Variants in LNX1 observed in about 807,000 individuals in gnomAD.
The protein encoded by LNX1 is E3 ubiquitin-protein ligase LNX.
A neutral mutation model predicts 68.4 loss-of-function variants in LNX1; 54 were observed. That is an observed-to-expected ratio of 0.79 (90% confidence interval 0.63 to 0.99). The LOEUF (loss-of-function observed/expected upper bound fraction) is 0.99. LNX1 is among the 50% of genes least tolerant of loss of function. The probability of loss-of-function intolerance (pLI) is 0.00; values close to 1 mark genes in which losing one functional copy is unlikely to be tolerated. For missense variants in LNX1, 906 were observed against 926.4 expected (o/e 0.98, Z 0.29); for synonymous variants, 336 against 350.0 (o/e 0.96, Z 0.45).
rs2150549541 is a variant in LNX1, at chr4:53,461,613, G to T, written c.1893-20C>A. ...AAGCACCTGAAATAGAATGTAATCA[G>T]TGTACATGCATATTTAAGTTTCACA... is the stretch of plus-strand genomic sequence containing the variant. On this transcript the variant is annotated intron_variant, in intron 9 of 10. Transcript: ENST00000263925. The T allele has an allele frequency of 6.3e-7, 1 of 1,576,166 alleles. No homozygotes were observed. Among genetic ancestry groups the T allele is most frequent in the Non-Finnish European group, 8.7e-7 (1 of 1,153,568 alleles).
intron 2 of LNX1, among the ~76,000 whole-genome samples, chr4:53,604,788 G>A (rs1359954534): frequency 6.6e-6 from 1 of 152,224 alleles, no homozygotes; most frequent in African/African-American, 2.4e-5. Context: ...TGTTTGGATT[G>A]GAGCTGAGCC....
At chr4:53,541,234 A>G (rs1345481331) in intron 2 of LNX1, among the ~76,000 whole-genome samples, 9 of 152,156 alleles carry the variant, frequency 5.9e-5, no homozygotes, top group Non-Finnish European at 7.3e-5. Flanking sequence ...GAGTGGGTGG[A>G]GGTAACAACC....
chr4:53,535,920 C>T lies in LNX1; in HGVS notation c.381-27693G>A, dbSNP rs58208481. Among the ~76,000 whole-genome samples the T allele has an allele frequency of 8.0e-3, 1,211 of 152,244 alleles. 20 individuals are homozygous for T. Among genetic ancestry groups the T allele is most frequent in the African/African-American group, 0.028 (1,148 of 41,542 alleles). On this transcript the variant is annotated intron_variant, in intron 2 of 10. Coordinates refer to ENST00000263925, the MANE Select transcript of LNX1 (RefSeq NM_001126328.3). ...AAAAGCACCATCACACCCATTTTAC[C>T]GATGGGGAAGCTCAAATACCAAAGG...
intron 2 of LNX1, among the ~76,000 whole-genome samples, chr4:53,614,998 T>A (rs1733633664): frequency 6.6e-6 from 1 of 151,616 alleles, no homozygotes; most frequent in Non-Finnish European, 1.5e-5. Context: ...ACACCGAGAA[T>A]GAGAATAAAA....
At position 53,498,810 on chromosome 4, in the gene LNX1, C is replaced by A; in HGVS notation, c.809G>T (p.Gly270Val). The A allele has an allele frequency of 6.2e-7, 1 of 1,613,950 alleles. No homozygotes were observed. The highest frequency in any genetic ancestry group is 8.5e-7 in the Non-Finnish European group (1 of 1,179,932). ...ATTGATCTTGATGCTGGTAATTTCACCATCTGGAATCAGGTGGTACAACCT... is the reference window on the plus strand; with the variant it reads ...ATTGATCTTGATGCTGGTAATTTCAACATCTGGAATCAGGTGGTACAACCT... ...FPRLYHLIPDGEITSIKINRV... is the reference protein window; with the variant it reads ...FPRLYHLIPDVEITSIKINRV... Residue 270 changes from glycine (G) to valine (V), a missense_variant, in exon 5 of 11, where the codon GGT becomes GTT. Coordinates refer to ENST00000263925, the MANE Select transcript of LNX1 (RefSeq NM_001126328.3).
chr4:53,495,786 C>T (rs1213956114), intron 6 of LNX1, among the ~76,000 whole-genome samples: 1 of 152,164 alleles, frequency 6.6e-6, no homozygotes, highest in Non-Finnish European at 1.5e-5. Context: ...TCATGTGATA[C>T]ACCTGCCTCG....
At chr4:53,609,757 T>C (rs1207859398) in intron 2 of LNX1, among the ~76,000 whole-genome samples, 1 of 143,140 alleles carries the variant, frequency 7.0e-6, no homozygotes, top group African/African-American at 2.5e-5. Context: ...TTATATATAA[T>C]ATACTATTAT....
At chr4:53,468,800 T>A (rs1722906514) in intron 9 of LNX1, among the ~76,000 whole-genome samples, 1 of 152,206 alleles carries the variant, frequency 6.6e-6, no homozygotes, top group African/African-American at 2.4e-5. Flanking sequence ...CTATCCTAAA[T>A]ATATATGCAC....
intron 2 of LNX1, among the ~76,000 whole-genome samples, chr4:53,602,299 G>A (rs1733051479): frequency 6.6e-6 from 1 of 152,212 alleles, no homozygotes; most frequent in Non-Finnish European, 1.5e-5. Context: ...ACCTGTGTGA[G>A]CAACAGGGGA....
chr4:53,504,121 C>T (rs562590701), intron 4 of LNX1, among the ~76,000 whole-genome samples: 2 of 152,192 alleles, frequency 1.3e-5, no homozygotes, highest in African/African-American at 2.4e-5. Flanking sequence ...GGCTACAGAG[C>T]GAGCGAGACT....
chr4:53,605,836 G>T (rs1157030700), intron 2 of LNX1, among the ~76,000 whole-genome samples: 19 of 152,070 alleles, frequency 1.2e-4, no homozygotes, highest in Admixed American at 1.2e-3. Flanking sequence ...TGGACACTTT[G>T]GTTGTTTTCA....
intron 1 of LNX1, chr4:53,575,863 T>A: frequency 6.3e-7 from 1 of 1,589,216 alleles, no homozygotes; most frequent in South Asian, 1.2e-5. Context: ...GTTTAGAAAG[T>A]TGCTGAAGTT....
intron 2 of LNX1, among the ~76,000 whole-genome samples, chr4:53,530,732 C>A (rs1727959447): frequency 6.6e-6 from 1 of 152,128 alleles, no homozygotes; most frequent in Non-Finnish European, 1.5e-5. Context: ...GTTTCATTGA[C>A]TATGGCATGC....
intron 9 of LNX1, among the ~76,000 whole-genome samples, chr4:53,471,142 G>A (rs921089470): frequency 1.4e-5 from 2 of 146,322 alleles, no homozygotes; most frequent in African/African-American, 5.1e-5. Flanking sequence ...CCAAAACAGA[G>A]ATATAGACCA....
At chr4:53,575,808 G>A (rs1022885084) in intron 1 of LNX1, 1 of 1,584,810 alleles carries the variant, frequency 6.3e-7, no homozygotes, top group Admixed American at 1.8e-5. Flanking sequence ...TTCCTCCAGA[G>A]GTGGCAGCAA....
At chr4:53,467,431 C>T (rs1398402213) in intron 9 of LNX1, among the ~76,000 whole-genome samples, 2 of 152,098 alleles carry the variant, frequency 1.3e-5, no homozygotes, top group Non-Finnish European at 2.9e-5. Flanking sequence ...AAAATCAGAG[C>T]GCCTCTCCTC....
chr4:53,572,816 C>T (rs1440670659), intron 2 of LNX1, among the ~76,000 whole-genome samples: 4 of 152,034 alleles, frequency 2.6e-5, no homozygotes, highest in Admixed American at 1.3e-4. Flanking sequence ...TGTGTGTGCA[C>T]GTGCAACTTA....
intron 1 of LNX1, among the ~76,000 whole-genome samples, chr4:53,644,922 G>T (rs1734826310): frequency 6.6e-6 from 1 of 152,212 alleles, no homozygotes; most frequent in Non-Finnish European, 1.5e-5. Context: ...CAGTCAAAAT[G>T]CGCTTCTCAG....
intron 2 of LNX1, among the ~76,000 whole-genome samples, chr4:53,515,641 CTG>C (rs1008137155): frequency 6.6e-6 from 1 of 152,072 alleles, no homozygotes; most frequent in Non-Finnish European, 1.5e-5. Context: ...TGTAATAAAA[CTG>C]AAGGGTAATG....
Sources: gnomAD v4.1 joint callset for allele counts (sites outside exome capture counted in the v4.1 genomes callset) on GRCh38, gnomAD v4.1.1 for gene constraint, MANE v1.5 for transcripts, NCBI Gene and HGNC (gene_info 2026-07-23, HGNC 2026-07-21) for gene names.